PCDHGA1: variants seen among roughly 807,000 people sequenced by gnomAD.
PCDHGA1 encodes protocadherin gamma subfamily A, 1, also known as protocadherin gamma-A1.
Under a neutral mutation model 58.0 loss-of-function variants are expected in PCDHGA1, and 32 were observed. That is an observed-to-expected ratio of 0.55 (90% confidence interval 0.42 to 0.74). PCDHGA1 has a LOEUF of 0.74. PCDHGA1 is among the 30% of genes least tolerant of loss of function. PCDHGA1 has a pLI of 0.00. For missense variants in PCDHGA1, 1,205 were observed against 1,182.3 expected (o/e 1.02, Z -0.28); for synonymous variants, 498 against 501.1 (o/e 0.99, Z 0.08).
chr5:141,350,206 C>A (rs1304389035), intron 1 of PCDHGA1: 1 of 1,466,600 alleles, frequency 6.8e-7, no homozygotes, highest in Non-Finnish European at 9.1e-7. Context: ...AGGGTGCTGC[C>A]ATTTCTTTTT....
rs556656447 is a variant in PCDHGA1 at position 141,500,319 on chromosome 5, C to CT, written c.2481-5073dup. Among the ~76,000 whole-genome samples the CT allele has an allele frequency of 2.6e-5, 4 of 152,122 alleles. No homozygotes were observed. The South Asian group carries it at 8.3e-4, about 32-fold the overall frequency. Reference sequence around the variant, plus strand: ...CGCCTCCCAGGTTCACGCCATGCTCCTGCCTCAGCCTCCAGAATAGCTGGG... The same window carrying CT: ...CGCCTCCCAGGTTCACGCCATGCTCCTTGCCTCAGCCTCCAGAATAGCTGGG... On this transcript the variant is annotated intron_variant, in intron 2 of 3. Coordinates refer to ENST00000517417, the MANE Select transcript of PCDHGA1 (RefSeq NM_018912.3).
At chr5:141,393,842 T>C (rs1010461527) in intron 1 of PCDHGA1, 5 of 1,613,948 alleles carry the variant, frequency 3.1e-6, no homozygotes, top group Non-Finnish European at 4.2e-6. Context: ...TAAATGACAA[T>C]AGACCAGAAG....
At chr5:141,474,807 A>C (rs945920397) in intron 1 of PCDHGA1, among the ~76,000 whole-genome samples, 8 of 152,364 alleles carry the variant, frequency 5.3e-5, no homozygotes, top group Admixed American at 1.3e-4. Context: ...AGTGGTTTGC[A>C]TCATTAATTG....
At chr5:141,376,472 T>C (rs1561574117) in intron 1 of PCDHGA1, 1 of 1,614,108 alleles carries the variant, frequency 6.2e-7, no homozygotes, top group Non-Finnish European at 8.5e-7. Context: ...AACTCAGGAT[T>C]TACTTGAAAC....
rs375101471 is a variant in PCDHGA1 at position 141,365,778 on chromosome 5, A to G, written c.2421+32673A>G. 86 of 1,613,764 alleles carry G rather than the reference A, an allele frequency of 5.3e-5. No homozygotes were observed. The highest frequency in any genetic ancestry group is 6.9e-5 in the Non-Finnish European group (82 of 1,179,892). ...ACAGCCCATGACCCCGACAGCGGCG[A>G]CAACGCTCGAGTCACCTACTCCCTG... On this transcript the variant is annotated intron_variant, in intron 1 of 3. Coordinates refer to ENST00000517417, the MANE Select transcript of PCDHGA1 (RefSeq NM_018912.3).
intron 1 of PCDHGA1, among the ~76,000 whole-genome samples, chr5:141,443,505 A>G (rs553893860): frequency 4.4e-4 from 67 of 152,222 alleles, no homozygotes; most frequent in African/African-American, 1.4e-3. Context: ...AAACAAATAA[A>G]GAGCTTCTCT....
intron 1 of PCDHGA1, chr5:141,427,871 GA>G: frequency 6.4e-7 from 1 of 1,559,532 alleles, no homozygotes; most frequent in Non-Finnish European, 8.8e-7. Context: ...TCGAGCTCAC[GA>G]TGCAGGCCCA....
In PCDHGA1 at chr5:141,485,896, C is replaced by T; in HGVS notation, c.2422-8911C>T. On this transcript the variant is annotated intron_variant, in intron 1 of 3. Coordinates refer to ENST00000517417, the MANE Select transcript of PCDHGA1 (RefSeq NM_018912.3). The surrounding 1 kb of genome is among the most constrained non-coding windows in gnomAD (Gnocchi z 5.7). ...TGGACGTAAACGACAACGCCCCAGC[C>T]TTCCAGCAATCCAGCTACAGGATTA... 6.2e-7 allele frequency: 1 copy of T among 1,614,190 alleles called. No individual in the cohort carries two copies. The highest frequency in any genetic ancestry group is 8.5e-7 in the Non-Finnish European group (1 of 1,180,042).
At position 141,511,481 on chromosome 5, in the gene PCDHGA1, ACTC is replaced by A. The variant is rs2154594681; in HGVS notation, c.*313_*315del. On this transcript the variant is annotated 3_prime_UTR_variant, in exon 4 of 4. Coordinates refer to ENST00000517417, the MANE Select transcript of PCDHGA1 (RefSeq NM_018912.3). ...CCACACCCCGTTTAGTTACAGCTGAACTCCTCCATCTTCCAAATCAATCAGGCC... is the reference window on the plus strand; with the variant it reads ...CCACACCCCGTTTAGTTACAGCTGAACTCCATCTTCCAAATCAATCAGGCC... 2 of 464,080 alleles carry A rather than the reference ACTC, an allele frequency of 4.3e-6. No individual in the cohort carries two copies. The highest frequency in any genetic ancestry group is 7.7e-6 in the Non-Finnish European group (2 of 260,856). The allele number at this position is 464,080 out of a possible 1,614,324, so 28.7% of individuals were successfully genotyped here.
intron 1 of PCDHGA1, chr5:141,478,581 T>C: frequency 6.3e-7 from 1 of 1,580,158 alleles, no homozygotes; most frequent in Non-Finnish European, 8.6e-7. Flanking sequence ...ACCCTGTTAG[T>C]GCTTTTTTAT....
chr5:141,422,197 G>C, intron 1 of PCDHGA1: 1 of 1,562,284 alleles, frequency 6.4e-7, no homozygotes, highest in Non-Finnish European at 8.6e-7. Flanking sequence ...TCAAGGCCAA[G>C]ATGGTGGAGG....
rs746834673 is a variant in PCDHGA1, at chr5:141,394,045, A to G, written c.2421+60940A>G. ...AGATTAGTGACAAGGAAATATTTGG[A>G]CCGAGAAAATGTCTCTATCTACAAT... On this transcript the variant is annotated intron_variant, in intron 1 of 3. Transcript: ENST00000517417. 6 of 1,613,706 alleles carry G rather than the reference A, an allele frequency of 3.7e-6. No individual in the cohort carries two copies. The highest frequency in any genetic ancestry group is 1.6e-4 in the Middle Eastern group (1 of 6,062).
chr5:141,491,908 G>A lies in PCDHGA1; in HGVS notation c.2422-2899G>A. ...GGGGCTCCGAGCACCGGGGGTGGTG[G>A]CGACTGTGGGCGAGGGGAGGTGGGA... On this transcript the variant is annotated intron_variant, in intron 1 of 3. Transcript: ENST00000517417. The surrounding 1 kb of genome is among the most constrained non-coding windows in gnomAD (Gnocchi z 6.9). The A allele has an allele frequency of 7.1e-7, 1 of 1,408,288 alleles. No individual in the cohort carries two copies. Among genetic ancestry groups the A allele is most frequent in the East Asian group, 2.5e-5 (1 of 39,276 alleles). The allele number at this position is 1,408,288 out of a possible 1,614,324, so 87.2% of individuals were successfully genotyped here. A position where few individuals can be genotyped will look rare whatever the true frequency, so the allele number is the denominator to read the frequency against.
intron 1 of PCDHGA1, chr5:141,440,968 T>A (rs1487107428): frequency 6.6e-6 from 1 of 152,198 alleles, no homozygotes; most frequent in African/African-American, 2.4e-5. Flanking sequence ...AGATCACATA[T>A]GGCTTCACAA....
At chr5:141,375,018 C>T (rs754559115) in intron 1 of PCDHGA1, 7 of 1,613,982 alleles carry the variant, frequency 4.3e-6, no homozygotes, top group Non-Finnish European at 4.2e-6. Flanking sequence ...TATGAGGACT[C>T]GAGTTTTTAT....
rs1173346955 is a variant in PCDHGA1, at chr5:141,331,745, C to G, written c.1061C>G (p.Thr354Ser). 4.3e-6 allele frequency: 7 copies of G among 1,614,046 alleles called. No individual in the cohort carries two copies. The highest frequency in any genetic ancestry group is 4.0e-5 in the African/African-American group (3 of 74,924). The change falls in exon 1 of 4, where the codon ACT becomes AGT. Residue 354 changes from threonine to serine, a missense_variant. By Grantham distance (58) the Thr-to-Ser change is moderately conservative (BLOSUM62 1). Coordinates refer to ENST00000517417, the MANE Select transcript of PCDHGA1 (RefSeq NM_018912.3). Reference sequence around the variant, plus strand: ...GAAGTGACCATCACCTCTGTCACCACTGCAGTTCCAGAAAACTTTCCTCCT... The same window carrying G: ...GAAGTGACCATCACCTCTGTCACCAGTGCAGTTCCAGAAAACTTTCCTCCT... Reference protein sequence around the residue: ...APEVTITSVTTAVPENFPPGT... With the variant: ...APEVTITSVTSAVPENFPPGT...
At chr5:141,344,751 C>G in intron 1 of PCDHGA1, 1 of 1,614,020 alleles carries the variant, frequency 6.2e-7, no homozygotes, top group South Asian at 1.1e-5. Flanking sequence ...TGACAACCCA[C>G]CAATGTTTAC....
chr5:141,333,044 A>T lies in PCDHGA1; in HGVS notation c.2360A>T (p.Lys787Ile), dbSNP rs749536095. Reference sequence around the variant, plus strand: ...CTCATCAGCCAGGAGAGCTGTGAGAAAAAGGGTTTTCTATCAGCACCCCAG... The same window carrying T: ...CTCATCAGCCAGGAGAGCTGTGAGATAAAGGGTTTTCTATCAGCACCCCAG... Reference protein sequence around the residue: ...DTLISQESCEKKGFLSAPQSL... With the variant: ...DTLISQESCEIKGFLSAPQSL... The change falls in exon 1 of 4, where the codon AAA (lysine) becomes ATA (isoleucine). Residue 787 changes from lysine (K) to isoleucine (I), a missense_variant. By Grantham distance (102) the Lys-to-Ile change is moderately radical. Transcript: ENST00000517417. 1 of 1,614,246 alleles carries T rather than the reference A, an allele frequency of 6.2e-7. No individual in the cohort carries two copies. Among genetic ancestry groups the T allele is most frequent in the Non-Finnish European group, 8.5e-7 (1 of 1,180,052 alleles).
Position 141,490,970 on chromosome 5 carries a change from A to G in PCDHGA1, c.2422-3837A>G. ...CCAGACTGGGAACACTCAGCCCCCC[A>G]GCGTCTCCCTCGCTCTGCTCCTCCT... On this transcript the variant is annotated intron_variant, in intron 1 of 3. Coordinates refer to ENST00000517417, the MANE Select transcript of PCDHGA1 (RefSeq NM_018912.3). This position sits in a 1 kb window ranked among gnomAD's most constrained non-coding sequence, Gnocchi z 5.4. 1 of 1,613,858 alleles carries G rather than the reference A, an allele frequency of 6.2e-7. No individual in the cohort carries two copies. Among genetic ancestry groups the G allele is most frequent in the South Asian group, 1.1e-5 (1 of 91,062 alleles).
Sources: allele counts gnomAD v4.1 joint callset (sites outside exome capture counted in the v4.1 genomes callset), GRCh38; gene constraint gnomAD v4.1.1; non-coding constraint Gnocchi (gnomAD v3.1); transcripts MANE v1.5; gene names NCBI Gene and HGNC (gene_info 2026-07-23, HGNC 2026-07-21).